Variants in ZC3H12B observed in about 807,000 individuals in gnomAD.
ZC3H12B encodes the protein probable ribonuclease ZC3H12B.
In ZC3H12B, 7 loss-of-function variants were observed where a neutral mutation model predicts 43.9. The ratio of observed to expected loss-of-function variants is 0.16; its 90% CI spans 0.09 to 0.30. The LOEUF is 0.30. Ranked by LOEUF, ZC3H12B falls within the 10% of genes least tolerant of loss-of-function variation. ZC3H12B has a pLI of 1.00. For synonymous variants in ZC3H12B, 222 were observed against 241.7 expected, an observed-to-expected ratio of 0.92 and a Z score of 0.76; for missense variants, 475 against 670.2, an observed-to-expected ratio of 0.71 and a Z score of 3.22.
chrX:65,372,882 A>G (rs979756532), intron 2 of ZC3H12B, among the ~76,000 whole-genome samples: 1 of 112,070 alleles, frequency 8.9e-6, no homozygotes, highest in Non-Finnish European at 1.9e-5. Context: ...ACAGGAAAAG[A>G]CTGAAAAAGA....
chrX:65,173,839 C>G, the ZC3H12B span, among the ~76,000 whole-genome samples: 1 of 111,530 alleles, frequency 9.0e-6, no homozygotes, highest in Non-Finnish European at 1.9e-5. Flanking sequence ...TTTGCATTGA[C>G]GTTCATCAGG....
chrX:65,356,435 A>C, the ZC3H12B span, among the ~76,000 whole-genome samples: 2 of 111,823 alleles, frequency 1.8e-5, no homozygotes, highest in African/African-American at 6.5e-5. Flanking sequence ...ATAAAAATGC[A>C]GTTATATTGT....
At chrX:65,367,353 A>G (rs746273242) in intron 1 of ZC3H12B, among the ~76,000 whole-genome samples, 3 of 111,093 alleles carry the variant, frequency 2.7e-5, no homozygotes, top group South Asian at 3.8e-4. Flanking sequence ...CCACAGGTTG[A>G]TAATACAAAG....
the ZC3H12B span, among the ~76,000 whole-genome samples, chrX:65,225,430 C>G: frequency 8.9e-6 from 1 of 112,117 alleles, no homozygotes; most frequent in African/African-American, 3.2e-5. Context: ...GGGGAAAAAA[C>G]AGAGCAGAAA....
intron 3 of ZC3H12B, among the ~76,000 whole-genome samples, chrX:65,418,485 C>A (rs1230151169): frequency 3.6e-5 from 4 of 111,447 alleles, no homozygotes; most frequent in Non-Finnish European, 7.5e-5. Context: ...AACCTAAATG[C>A]AATAGGAGTA....
chrX:65,270,816 G>C, the ZC3H12B span: 2 of 111,606 alleles, frequency 1.8e-5, no homozygotes, highest in Non-Finnish European at 3.8e-5. Context: ...TGGCTGGCTG[G>C]AATCCATGTC....
the ZC3H12B span, among the ~76,000 whole-genome samples, chrX:65,123,134 G>T: frequency 8.9e-6 from 1 of 112,010 alleles, no homozygotes; most frequent in East Asian, 2.8e-4. Context: ...TTTTTAGCAT[G>T]AAATGCTGTT....
chrX:65,294,263 TA>T, the ZC3H12B span, among the ~76,000 whole-genome samples: 1 of 111,329 alleles, frequency 9.0e-6, no homozygotes, highest in African/African-American at 3.3e-5. Context: ...CTAAGCTACA[TA>T]AATAAAGGAA....
At chrX:65,263,981 T>TA in the ZC3H12B span, among the ~76,000 whole-genome samples, 3 of 111,021 alleles carry the variant, frequency 2.7e-5, no homozygotes, top group African/African-American at 9.8e-5. Flanking sequence ...TGCTCAGCCA[T>TA]AAAAAAAGAA....
At position 65,459,713 on chromosome X, in the gene ZC3H12B, T is replaced by C. The variant is rs190512591; in HGVS notation, n.408-28933T>C. On this transcript the variant is annotated intron_variant and non_coding_transcript_variant, in intron 3 of 5. Transcript: ENST00000617377. Reference sequence around the variant, plus strand: ...GGTATTGATGGGACTTATCTCAAAATAATAAGAGCTATTTATGACAACCCC... The same window carrying C: ...GGTATTGATGGGACTTATCTCAAAACAATAAGAGCTATTTATGACAACCCC... Among the ~76,000 whole-genome samples the C allele has an allele frequency of 2.7e-5, 3 of 111,531 alleles. No individual in the cohort carries two copies. The Admixed American group carries it at 2.9e-4, about 11-fold the overall frequency.
At chrX:65,211,551 G>T in the ZC3H12B span, among the ~76,000 whole-genome samples, 1 of 103,191 alleles carries the variant, frequency 9.7e-6, no homozygotes, top group African/African-American at 3.5e-5. Context: ...ACTCCAGCAA[G>T]GTTAATTAAC....
At chrX:65,198,846 T>G in the ZC3H12B span, among the ~76,000 whole-genome samples, 1 of 111,737 alleles carries the variant, frequency 8.9e-6, no homozygotes, top group Non-Finnish European at 1.9e-5. Flanking sequence ...TTTTTCTTTT[T>G]GAGACAGTTT....
the ZC3H12B span, among the ~76,000 whole-genome samples, chrX:65,330,525 G>C: frequency 4.5e-5 from 5 of 111,508 alleles, no homozygotes; most frequent in African/African-American, 1.6e-4. Context: ...CATTCAGTAT[G>C]ATATGGGCTG....
chrX:65,353,659 G>T, the ZC3H12B span, among the ~76,000 whole-genome samples: 1 of 111,971 alleles, frequency 8.9e-6, no homozygotes, highest in Non-Finnish European at 1.9e-5. Flanking sequence ...GGAGTCAAGT[G>T]GTCTAGATCA....
chrX:65,131,779 T>A, the ZC3H12B span, among the ~76,000 whole-genome samples: 1 of 111,185 alleles, frequency 9.0e-6, no homozygotes, highest in African/African-American at 3.3e-5. Context: ...TCATGAAGAA[T>A]TATGTGAAGG....
chrX:65,380,734 A>G (rs2066425169), intron 2 of ZC3H12B, among the ~76,000 whole-genome samples: 1 of 111,890 alleles, frequency 8.9e-6, no homozygotes, highest in Non-Finnish European at 1.9e-5. Flanking sequence ...AGAGACACAC[A>G]TAGGCTCAAA....
chrX:65,099,291 C>T, the ZC3H12B span, among the ~76,000 whole-genome samples: 3 of 111,852 alleles, frequency 2.7e-5, no homozygotes, highest in East Asian at 2.8e-4. Context: ...GCAGCTTCAG[C>T]GGACTTAAAT....
chrX:65,319,392 G>A, the ZC3H12B span, among the ~76,000 whole-genome samples: 1 of 111,592 alleles, frequency 9.0e-6, no homozygotes, highest in East Asian at 2.8e-4. Context: ...TTGACTTCTT[G>A]AACAGACAAA....
chrX:65,277,893 A>G, the ZC3H12B span, among the ~76,000 whole-genome samples: 1 of 111,404 alleles, frequency 9.0e-6, no homozygotes, highest in African/African-American at 3.3e-5. Context: ...ATTGACAATA[A>G]AGAATATAAG....
Sources: allele counts gnomAD v4.1 joint callset (sites outside exome capture counted in the v4.1 genomes callset), GRCh38; gene constraint gnomAD v4.1.1; transcripts MANE v1.5; gene names NCBI Gene and HGNC (gene_info 2026-07-23, HGNC 2026-07-21).